COL4A6: variants seen among roughly 807,000 people sequenced by gnomAD.
COL4A6 encodes the protein collagen alpha-6(IV) chain.
COL4A6 carries 59 observed loss-of-function variants against 126.7 expected under a neutral mutation model. That is an observed-to-expected ratio of 0.47 (90% CI 0.38 to 0.58). The LOEUF is 0.58. Ranked by LOEUF, COL4A6 falls within the 20% of genes least tolerant of loss-of-function variation. The pLI, the probability that COL4A6 is intolerant of heterozygous loss-of-function variation, is 0.00. For missense variants in COL4A6, 1,285 were observed against 1,337.3 expected (o/e 0.96, Z 0.61); for synonymous variants, 547 against 496.6 (o/e 1.10, Z -1.35).
chrX:108,380,791 A>C (rs1307602090), intron 2 of COL4A6, among the ~76,000 whole-genome samples: 1 of 112,234 alleles, frequency 8.9e-6, no homozygotes, highest in East Asian at 2.8e-4. Flanking sequence ...AGAGTCATTG[A>C]ATCAAAAAGT....
intron 23 of COL4A6, among the ~76,000 whole-genome samples, chrX:108,181,445 G>A (rs1227182137): frequency 8.9e-6 from 1 of 111,863 alleles, no homozygotes; most frequent in Non-Finnish European, 1.9e-5. Context: ...CCCTTTCCTT[G>A]GAATGAGGTT....
At chrX:108,371,143 C>T (rs2040313748) in intron 2 of COL4A6, among the ~76,000 whole-genome samples, 1 of 110,265 alleles carries the variant, frequency 9.1e-6, no homozygotes, top group African/African-American at 3.3e-5. Flanking sequence ...ATCACATTCA[C>T]TACGAACTCT....
chrX:108,411,144 A>C (rs907253544), intron 2 of COL4A6, among the ~76,000 whole-genome samples: 5 of 112,361 alleles, frequency 4.4e-5, no homozygotes, highest in Non-Finnish European at 9.4e-5. Context: ...ATAGGATCAG[A>C]GGTAGGCCAA....
At chrX:108,423,829 T>C (rs888677068) in intron 2 of COL4A6, among the ~76,000 whole-genome samples, 2 of 111,749 alleles carry the variant, frequency 1.8e-5, no homozygotes, top group Middle Eastern at 4.2e-3. Flanking sequence ...ATAAAGGCTT[T>C]CCTTTAAACA....
chrX:108,277,352 CA>C (rs1856128378), intron 3 of COL4A6, among the ~76,000 whole-genome samples: 1 of 112,331 alleles, frequency 8.9e-6, no homozygotes, highest in African/African-American at 3.2e-5. Flanking sequence ...GCACATGGCT[CA>C]GAGGGTCCTA....
At chrX:108,204,690 A>G (rs1236588456) in intron 11 of COL4A6, 3 of 380,214 alleles carry the variant, frequency 7.9e-6, no homozygotes, top group African/African-American at 2.5e-5. Context: ...TTTAGAAGAG[A>G]TTAAAAAAGG....
At chrX:108,221,405 A>C in intron 3 of COL4A6, 31 bp from the exon 4 acceptor site, 1 of 1,196,539 alleles carries the variant, frequency 8.4e-7, no homozygotes, top group South Asian at 1.8e-5. Flanking sequence ...GCAATTAGTC[A>C]ATAGAGGACT....
chrX:108,222,428 A>G (rs748880977), intron 3 of COL4A6, among the ~76,000 whole-genome samples: 13 of 112,285 alleles, frequency 1.2e-4, no homozygotes, highest in Non-Finnish European at 2.1e-4. Flanking sequence ...AACTTTGAAA[A>G]GAAGCCCATT....
In COL4A6 at chrX:108,438,308, T is replaced by C; in HGVS notation, c.-112A>G. On this transcript the variant is annotated 5_prime_UTR_variant, in exon 1 of 45. Coordinates refer to ENST00000334504, the MANE Select transcript of COL4A6 (RefSeq NM_033641.4). ...GGCTGTTTCCTTACTCAGAACAGAG[T>C]AGGTGGACGAAGTGGCCCAGTTTGG... is the stretch of plus-strand genomic sequence containing the variant. 1.8e-6 allele frequency: 2 copies of C among 1,100,980 alleles called. No individual in the cohort carries two copies. The allele number at this position is 1,100,980 out of a possible 1,213,427, so 90.7% of individuals were successfully genotyped here.
Position 108,390,229 on chromosome X carries a change from G to C in COL4A6, c.63+47713C>G, listed in dbSNP as rs766875956. On this transcript the variant is annotated intron_variant, in intron 2 of 44. Transcript: ENST00000334504. ...ATCTTGAGGTTGCTCTTCTGGAGGA[G>C]TATTTTTGTGGTGTTCTCTGTATTT... Among the ~76,000 whole-genome samples the C allele has an allele frequency of 1.3e-4, 14 of 110,870 alleles. No homozygotes were observed. In the South Asian group the frequency reaches 5.4e-3, roughly 43 times the overall value.
intron 2 of COL4A6, among the ~76,000 whole-genome samples, chrX:108,376,065 T>C (rs2040427730): frequency 8.9e-6 from 1 of 112,113 alleles, no homozygotes; most frequent in Non-Finnish European, 1.9e-5. Flanking sequence ...TTATTTTTCC[T>C]GTATGTACCA....
intron 9 of COL4A6, 101 bp downstream of exon 9, chrX:108,206,417 A>G: frequency 1.1e-6 from 1 of 891,593 alleles, no homozygotes; most frequent in Non-Finnish European, 1.7e-6. Flanking sequence ...TTGCTCACCC[A>G]GGAGGACCTA....
At chrX:108,385,204 G>C (rs189680677) in intron 2 of COL4A6, among the ~76,000 whole-genome samples, 1 of 107,887 alleles carries the variant, frequency 9.3e-6, no homozygotes, top group East Asian at 2.9e-4. Context: ...TCTGTACACT[G>C]GTAATGAACA....
intron 16 of COL4A6, 39 bp downstream of exon 16, chrX:108,194,495 C>G (rs754868333): frequency 8.6e-7 from 1 of 1,162,150 alleles, no homozygotes; most frequent in Non-Finnish European, 1.2e-6. Context: ...ATTCACTCTT[C>G]TACCTACCAA....
intron 43 of COL4A6, among the ~76,000 whole-genome samples, chrX:108,160,234 T>A (rs1007875383): frequency 1.8e-5 from 2 of 112,510 alleles, no homozygotes; most frequent in Non-Finnish European, 3.8e-5. Context: ...TTAGCTTTGT[T>A]CCATTAAGGA....
rs2236340 is a variant in COL4A6, at chrX:108,212,502, C to T, written c.442-762G>A. Among the ~76,000 whole-genome samples, 41 of 111,670 alleles carry T rather than the reference C, an allele frequency of 3.7e-4. No homozygotes were observed. The East Asian group carries it at 0.011, about 30-fold the overall frequency. On this transcript the variant is annotated intron_variant, in intron 6 of 44. Coordinates refer to ENST00000334504, the MANE Select transcript of COL4A6 (RefSeq NM_033641.4). ...AGTTTGTACACCTGGGGATAATCAACGTCCCTACACCTAAGGGGAAGTCAG... is the reference window on the plus strand; with the variant it reads ...AGTTTGTACACCTGGGGATAATCAATGTCCCTACACCTAAGGGGAAGTCAG...
At chrX:108,174,343 G>T in intron 31 of COL4A6, 97 bp downstream of exon 31, 1 of 902,783 alleles carries the variant, frequency 1.1e-6, no homozygotes, top group East Asian at 3.2e-5. Flanking sequence ...AAGGGGCTGA[G>T]AAGTAAGCTG....
chrX:108,427,191 A>G (rs1222999672), intron 2 of COL4A6, among the ~76,000 whole-genome samples: 2 of 111,878 alleles, frequency 1.8e-5, no homozygotes, highest in Non-Finnish European at 3.8e-5. Context: ...AGTGCAGAGC[A>G]GGTCTCTTTC....
chrX:108,407,398 G>C (rs1569458761), intron 2 of COL4A6, among the ~76,000 whole-genome samples: 1 of 112,351 alleles, frequency 8.9e-6, no homozygotes, highest in Non-Finnish European at 1.9e-5. Flanking sequence ...TGGAGAAAAT[G>C]TAGAGGAAGA....
Sources: gnomAD v4.1 joint callset for allele counts (sites outside exome capture counted in the v4.1 genomes callset) on GRCh38, gnomAD v4.1.1 for gene constraint, MANE v1.5 for transcripts, NCBI Gene and HGNC (gene_info 2026-07-23, HGNC 2026-07-21) for gene names.